SORCS1: variants seen among roughly 807,000 people sequenced by gnomAD.
SORCS1 encodes the protein sortilin related VPS10 domain containing receptor 1, also known as VPS10 domain-containing receptor SorCS1.
A neutral mutation model predicts 146.1 loss-of-function variants in SORCS1; 60 were observed. That is an observed-to-expected ratio of 0.41 (90% CI 0.33 to 0.51). The LOEUF (loss-of-function observed/expected upper bound fraction) is 0.51, where lower values mean the gene tolerates loss of function less well. Among genes scored for constraint, SORCS1 ranks in the 20% least tolerant of loss-of-function variants. The pLI is 0.21. For synonymous variants in SORCS1, 637 were observed against 584.0 expected (o/e 1.09, Z -1.31); for missense variants, 1,352 against 1,487.6 (o/e 0.91, Z 1.50).
chr10:107,124,019 G>A (rs756973026), intron 1 of SORCS1, among the ~76,000 whole-genome samples: 8 of 151,564 alleles, frequency 5.3e-5, no homozygotes, highest in Admixed American at 1.3e-4. Context: ...CCTGGGAGGC[G>A]GAGCTTGCAG....
At chr10:106,999,147 A>C (rs1957113259) in intron 1 of SORCS1, among the ~76,000 whole-genome samples, 1 of 152,172 alleles carries the variant, frequency 6.6e-6, no homozygotes, top group South Asian at 2.1e-4. Flanking sequence ...TAATGGAAAA[A>C]AACAGGTAAT....
At chr10:106,799,911 G>A (rs917274029) in intron 3 of SORCS1, among the ~76,000 whole-genome samples, 1 of 152,140 alleles carries the variant, frequency 6.6e-6, no homozygotes, top group Non-Finnish European at 1.5e-5. Context: ...TCCTAAAAGG[G>A]GAATTGCCTT....
Position 107,069,668 on chromosome 10 carries a change from G to A in SORCS1, c.558+94301C>T, listed in dbSNP as rs192434241. Among the ~76,000 whole-genome samples, 15 of 152,226 alleles carry A rather than the reference G, an allele frequency of 9.9e-5. No individual in the cohort carries two copies. In the South Asian group the frequency reaches 1.7e-3, roughly 17 times the overall value. On this transcript the variant is annotated intron_variant, in intron 1 of 25. Coordinates refer to ENST00000263054, the MANE Select transcript of SORCS1 (RefSeq NM_052918.5). Reference sequence around the variant, plus strand: ...TGGGATTACAGGCGTGAGCCACCTCGCCTGGCCCATGTGCCTATTTTTAAA... The same window carrying A: ...TGGGATTACAGGCGTGAGCCACCTCACCTGGCCCATGTGCCTATTTTTAAA...
At chr10:107,159,842 C>A (rs1233009219) in intron 1 of SORCS1, among the ~76,000 whole-genome samples, 3 of 150,648 alleles carry the variant, frequency 2.0e-5, no homozygotes, top group Admixed American at 6.6e-5. Context: ...CTCCTCCCCA[C>A]CGAAAAAAAA....
chr10:106,773,864 G>T (rs576001598), intron 4 of SORCS1, among the ~76,000 whole-genome samples: 4 of 151,960 alleles, frequency 2.6e-5, no homozygotes, highest in Admixed American at 6.6e-5. Flanking sequence ...CAGGAGAATC[G>T]CCTGAACCCT....
intron 24 of SORCS1, among the ~76,000 whole-genome samples, chr10:106,586,827 G>A (rs544269949): frequency 3.3e-5 from 5 of 152,170 alleles, no homozygotes; most frequent in East Asian, 1.9e-4. Context: ...GTGGTGGTGC[G>A]TGCCTGTAGT....
At chr10:106,729,993 G>T in intron 6 of SORCS1, 57 bp downstream of exon 6, 1 of 1,536,698 alleles carries the variant, frequency 6.5e-7, no homozygotes. Flanking sequence ...CTCAGTTCAT[G>T]ACAGAGTCAT....
intron 1 of SORCS1, among the ~76,000 whole-genome samples, chr10:107,068,998 G>C (rs1462606089): frequency 1.3e-5 from 2 of 152,004 alleles, no homozygotes; most frequent in Non-Finnish European, 2.9e-5. Flanking sequence ...ATCACTGATA[G>C]ATTCCCAATG....
chr10:106,657,684 TG>T, intron 17 of SORCS1, among the ~76,000 whole-genome samples: 1 of 149,280 alleles, frequency 6.7e-6, no homozygotes, highest in Admixed American at 6.7e-5. Context: ...TGTGTGTGTG[TG>T]TGTGTATTTT....
chr10:107,159,164 T>C (rs1285506069), intron 1 of SORCS1, among the ~76,000 whole-genome samples: 3 of 152,150 alleles, frequency 2.0e-5, no homozygotes, highest in Non-Finnish European at 4.4e-5. Flanking sequence ...CCTAAACAGA[T>C]ATGCATATGA....
chr10:106,587,679 C>T (rs1162771345), intron 24 of SORCS1, among the ~76,000 whole-genome samples: 2 of 152,126 alleles, frequency 1.3e-5, no homozygotes, highest in Non-Finnish European at 2.9e-5. Context: ...GAAATTAAAC[C>T]AGTCAGCAGC....
At chr10:106,620,854 C>T (rs1331958975) in intron 19 of SORCS1, among the ~76,000 whole-genome samples, 1 of 152,160 alleles carries the variant, frequency 6.6e-6, no homozygotes, top group East Asian at 1.9e-4. Flanking sequence ...TAAGAACAGG[C>T]ATCATTTGGG....
intron 2 of SORCS1, among the ~76,000 whole-genome samples, chr10:106,894,635 T>C (rs908292746): frequency 2.2e-4 from 34 of 152,170 alleles, no homozygotes; most frequent in Admixed American, 1.4e-3. Flanking sequence ...GAGGAAGCCA[T>C]CAATCTGACA....
intron 1 of SORCS1, among the ~76,000 whole-genome samples, chr10:107,017,887 A>G (rs1957965998): frequency 6.6e-6 from 1 of 151,986 alleles, no homozygotes; most frequent in South Asian, 2.1e-4. Flanking sequence ...GCTAGTCTTG[A>G]ACTCCTGATC....
chr10:106,688,052 AC>A (rs1852995100), intron 10 of SORCS1, 139 bp downstream of exon 10: 5 of 1,132,620 alleles, frequency 4.4e-6, no homozygotes, highest in Middle Eastern at 2.1e-4. Context: ...AGTTTTCTAC[AC>A]CCTTTGCCTT....
intron 4 of SORCS1, among the ~76,000 whole-genome samples, chr10:106,772,192 A>C (rs1860069448): frequency 6.6e-6 from 1 of 152,184 alleles, no homozygotes; most frequent in South Asian, 2.1e-4. Flanking sequence ...GAAAAGGCAG[A>C]GGGAGGGTGA....
At chr10:106,830,578 CTTTTTTTT>C (rs769894046) in intron 2 of SORCS1, among the ~76,000 whole-genome samples, 3 of 135,590 alleles carry the variant, frequency 2.2e-5, no homozygotes, top group Admixed American at 2.2e-4. Context: ...TTTTTTTTTC[CTTTTTTTT>C]TTTTTTAAAA....
At chr10:106,989,690 T>TTTTTTTTTTTTTTG (rs1956680929) in intron 1 of SORCS1, among the ~76,000 whole-genome samples, 1 of 140,260 alleles carries the variant, frequency 7.1e-6, no homozygotes, top group African/African-American at 2.8e-5. Context: ...GTTTTTTTTT[T>TTTTTTTTTTTTTTG]TTTTTTTTTT....
At chr10:106,736,864 T>G (rs1201412790) in intron 5 of SORCS1, among the ~76,000 whole-genome samples, 1 of 152,106 alleles carries the variant, frequency 6.6e-6, no homozygotes, top group African/African-American at 2.4e-5. Flanking sequence ...AACAAATAAA[T>G]AGATCAATAG....
Sources: gnomAD v4.1 joint callset for allele counts (sites outside exome capture counted in the v4.1 genomes callset) on GRCh38, gnomAD v4.1.1 for gene constraint, MANE v1.5 for transcripts, NCBI Gene and HGNC (gene_info 2026-07-23, HGNC 2026-07-21) for gene names.